STK3: variants seen among roughly 807,000 people sequenced by gnomAD.
STK3 encodes serine/threonine kinase 3, also known as serine/threonine-protein kinase 3.
A neutral mutation model predicts 58.0 loss-of-function variants in STK3; 41 were observed. The ratio of observed to expected loss-of-function variants is 0.71; its 90% confidence interval spans 0.55 to 0.92. The LOEUF (loss-of-function observed/expected upper bound fraction) is 0.92. Among genes scored for constraint, STK3 ranks in the 40% least tolerant of loss-of-function variants. The probability of loss-of-function intolerance (pLI) is 0.00; values close to 1 mark genes in which losing one functional copy is unlikely to be tolerated. For synonymous variants in STK3, 170 were observed against 191.0 expected, an observed-to-expected ratio of 0.89 and a Z score of 0.91; for missense variants, 479 against 602.7, an observed-to-expected ratio of 0.79 and a Z score of 2.15.
chr8:98,830,963 CTG>C (rs1164838160), intron 3 of STK3, among the ~76,000 whole-genome samples: 2 of 111,178 alleles, frequency 1.8e-5, no homozygotes, highest in Non-Finnish European at 3.5e-5. Flanking sequence ...GAGCAAGACT[CTG>C]TCTCAAAAAA....
At chr8:98,587,365 C>A (rs1814729875) in intron 7 of STK3, among the ~76,000 whole-genome samples, 1 of 152,004 alleles carries the variant, frequency 6.6e-6, no homozygotes, top group South Asian at 2.1e-4. Context: ...ACCCAGTAGT[C>A]ATTCAGGAGC....
chr8:98,417,055 C>A (rs1341472064), intron 3 of STK3, among the ~76,000 whole-genome samples: 1 of 152,148 alleles, frequency 6.6e-6, no homozygotes, highest in South Asian at 2.1e-4. Context: ...CCCAGGTGGG[C>A]CTAGAATGGA....
At chr8:98,906,189 A>C (rs1265341304) in intron 1 of STK3, 1 of 152,650 alleles carries the variant, frequency 6.6e-6, no homozygotes, top group East Asian at 1.9e-4. Context: ...ACAGTTTTTC[A>C]ATTCCAAGGA....
intron 6 of STK3, among the ~76,000 whole-genome samples, chr8:98,619,217 G>T (rs1383511719): frequency 6.7e-6 from 1 of 149,552 alleles, no homozygotes; most frequent in African/African-American, 2.5e-5. Context: ...AATGGGGAAA[G>T]GATTCCCTAT....
Position 98,741,960 on chromosome 8 carries a change from C to T in STK3, c.351+7316G>A, listed in dbSNP as rs1056735530. ...AGAGAATACTACAAACACCTCTACG[C>T]AAATAAACTAGAAAATCTAGAAGAA... On this transcript the variant is annotated intron_variant, in intron 4 of 10. Transcript: ENST00000419617. 2.8e-4 allele frequency among the ~76,000 whole-genome samples: 42 copies of T among 152,114 alleles called. 1 individual carries two copies. The highest frequency in any genetic ancestry group is 2.5e-3 in the Admixed American group (38 of 15,274).
chr8:98,668,620 TTAC>T (rs1443040763), intron 6 of STK3, among the ~76,000 whole-genome samples: 1 of 152,186 alleles, frequency 6.6e-6, no homozygotes, highest in Non-Finnish European at 1.5e-5. Context: ...TTTTTTCAGA[TTAC>T]TACATGTATT....
At chr8:98,778,039 T>C (rs1337645700) in intron 1 of STK3, among the ~76,000 whole-genome samples, 1 of 152,110 alleles carries the variant, frequency 6.6e-6, no homozygotes, top group Non-Finnish European at 1.5e-5. Flanking sequence ...GGGATCTAAT[T>C]AAACTAAAGA....
At chr8:98,862,981 C>T (rs1357090557) in intron 3 of STK3, among the ~76,000 whole-genome samples, 1 of 152,192 alleles carries the variant, frequency 6.6e-6, no homozygotes, top group Admixed American at 6.5e-5. Context: ...ATACCAGACT[C>T]CTTGGAAATA....
chr8:98,591,319 C>T (rs1013102926), intron 7 of STK3, among the ~76,000 whole-genome samples: 84 of 152,294 alleles, frequency 5.5e-4, no homozygotes, highest in African/African-American at 1.8e-3. Context: ...CATTCAATTG[C>T]GTCTACAAAA....
At chr8:98,778,298 A>G (rs1413254671) in intron 1 of STK3, among the ~76,000 whole-genome samples, 2 of 152,390 alleles carry the variant, frequency 1.3e-5, no homozygotes, top group East Asian at 3.9e-4. Flanking sequence ...ATCACTGACC[A>G]TCAGAGAAAT....
chr8:98,933,050 A>G (rs1332949853), intron 1 of STK3, among the ~76,000 whole-genome samples: 1 of 152,212 alleles, frequency 6.6e-6, no homozygotes, highest in Non-Finnish European at 1.5e-5. Context: ...TCTCTAAACT[A>G]CATTCCATGA....
intron 1 of STK3, among the ~76,000 whole-genome samples, chr8:98,915,634 T>C (rs574100653): frequency 2.2e-4 from 34 of 151,982 alleles, no homozygotes; most frequent in South Asian, 6.2e-4. Flanking sequence ...TAATAATTAA[T>C]GCTGATTGAT....
intron 4 of STK3, chr8:98,721,205 A>C: frequency 2.5e-6 from 2 of 805,126 alleles, no homozygotes; most frequent in Non-Finnish European, 3.0e-6. Context: ...CATTTTAAAA[A>C]TACTTAGAAG....
At chr8:98,924,272 T>C (rs1467239034) in intron 1 of STK3, among the ~76,000 whole-genome samples, 1 of 152,242 alleles carries the variant, frequency 6.6e-6, no homozygotes, top group East Asian at 1.9e-4. Flanking sequence ...ATTGCTTCCC[T>C]TGTCAATAAA....
At chr8:98,526,260 G>A (rs527785502) in intron 10 of STK3, among the ~76,000 whole-genome samples, 3 of 151,900 alleles carry the variant, frequency 2.0e-5, no homozygotes, top group African/African-American at 7.2e-5. Flanking sequence ...ATGCTCCTAG[G>A]TACAGAATAG....
chr8:98,705,065 A>G (rs1825872467), intron 6 of STK3, among the ~76,000 whole-genome samples: 1 of 152,200 alleles, frequency 6.6e-6, no homozygotes, highest in Non-Finnish European at 1.5e-5. Flanking sequence ...ATGCATTTTT[A>G]TCTTTCATTT....
At chr8:98,912,071 C>T (rs1169616389) in intron 1 of STK3, among the ~76,000 whole-genome samples, 1 of 152,150 alleles carries the variant, frequency 6.6e-6, no homozygotes, top group Non-Finnish European at 1.5e-5. Context: ...AAGAGTCAGA[C>T]AGTTGAAGAT....
intron 6 of STK3, among the ~76,000 whole-genome samples, chr8:98,644,824 G>A (rs1241789928): frequency 6.6e-6 from 1 of 152,084 alleles, no homozygotes; most frequent in Non-Finnish European, 1.5e-5. Context: ...AAAATACACA[G>A]TAAACCCATA....
intron 4 of STK3, among the ~76,000 whole-genome samples, chr8:98,737,050 C>T (rs1275920156): frequency 6.6e-6 from 1 of 152,098 alleles, no homozygotes; most frequent in Non-Finnish European, 1.5e-5. Flanking sequence ...CACTTGAGCA[C>T]CAATCCAACC....
Sources: gnomAD v4.1 joint callset for allele counts (sites outside exome capture counted in the v4.1 genomes callset) on GRCh38, gnomAD v4.1.1 for gene constraint, MANE v1.5 for transcripts, NCBI Gene and HGNC (gene_info 2026-07-23, HGNC 2026-07-21) for gene names.